DAB2: variants seen among roughly 807,000 people sequenced by gnomAD.
The protein encoded by DAB2 is DAB adaptor protein 2.
A neutral mutation model predicts 71.6 loss-of-function variants in DAB2; 28 were observed. The ratio of observed to expected loss-of-function variants is 0.39; its 90% confidence interval spans 0.29 to 0.54. The LOEUF is 0.54. Among genes scored for constraint, DAB2 ranks in the 20% least tolerant of loss-of-function variants. The probability of loss-of-function intolerance (pLI) is 0.68; values close to 1 mark genes in which losing one functional copy is unlikely to be tolerated. For missense variants in DAB2, 867 were observed against 928.8 expected (o/e 0.93, Z 0.86); for synonymous variants, 345 against 339.7 (o/e 1.02, Z -0.17).
intron 1 of DAB2, among the ~76,000 whole-genome samples, chr5:39,407,956 G>C (rs1201394991): frequency 6.6e-6 from 1 of 152,190 alleles, no homozygotes; most frequent in Non-Finnish European, 1.5e-5. Flanking sequence ...CCGAAAACCA[G>C]TGCAAGAAAT....
intron 5 of DAB2, 91 bp downstream of exon 5, chr5:39,390,353 T>C: frequency 6.9e-7 from 1 of 1,445,102 alleles, no homozygotes; most frequent in Non-Finnish European, 9.4e-7. Context: ...TTACATCCAA[T>C]TATTTCCAGT....
At chr5:39,405,900 C>T (rs572135015) in intron 1 of DAB2, among the ~76,000 whole-genome samples, 14 of 152,232 alleles carry the variant, frequency 9.2e-5, no homozygotes, top group African/African-American at 2.9e-4. Flanking sequence ...TATCAAGTCA[C>T]CTATGGAAGA....
chr5:39,416,756 T>C (rs1021322741), intron 1 of DAB2, among the ~76,000 whole-genome samples: 4 of 152,138 alleles, frequency 2.6e-5, no homozygotes, highest in Admixed American at 6.5e-5. Flanking sequence ...CTCTGATTCA[T>C]GTAGAGCTCT....
intron 1 of DAB2, among the ~76,000 whole-genome samples, chr5:39,395,492 T>C (rs1430124240): frequency 1.3e-5 from 2 of 152,204 alleles, no homozygotes; most frequent in Non-Finnish European, 2.9e-5. Context: ...ACTTAAAGAA[T>C]ATCTAAATAA....
At chr5:39,402,151 G>A (rs1237661822) in intron 1 of DAB2, among the ~76,000 whole-genome samples, 1 of 152,080 alleles carries the variant, frequency 6.6e-6, no homozygotes, top group Non-Finnish European at 1.5e-5. Flanking sequence ...CTGCCCCCAT[G>A]ATTCAATTAC....
Position 39,388,589 on chromosome 5 carries a change from G to A in DAB2, c.624+210C>T, listed in dbSNP as rs1755151449. ...CTTAAAAAGTATTAGATTAGATTCA[G>A]GTGTGGCTACTAAAAAGATTACTTT... On this transcript the variant is annotated intron_variant, in intron 8 of 14. Coordinates refer to ENST00000320816, the MANE Select transcript of DAB2 (RefSeq NM_001343.4). Among the ~76,000 whole-genome samples, 3 of 152,258 alleles carry A rather than the reference G, an allele frequency of 2.0e-5. No homozygotes were observed. In the East Asian group the frequency reaches 5.8e-4, roughly 29 times the overall value.
intron 7 of DAB2, 70 bp downstream of exon 7, chr5:39,389,027 G>C: frequency 6.8e-7 from 1 of 1,461,492 alleles, no homozygotes. Context: ...GAGAGTGGTT[G>C]GGCAGGTAGA....
intron 2 of DAB2, 127 bp from the exon 3 acceptor site, chr5:39,393,520 T>G (rs1254424976): frequency 9.9e-7 from 1 of 1,006,330 alleles, no homozygotes; most frequent in African/African-American, 1.6e-5. Flanking sequence ...TATGTAATAT[T>G]CTGTCCTGTC....
chr5:39,423,685 T>A (rs1331672341), intron 1 of DAB2: 1 of 152,256 alleles, frequency 6.6e-6, no homozygotes. Context: ...TACTTCTGTT[T>A]GCATTAGTTA....
At chr5:39,392,333 T>C (rs1365650885) in intron 4 of DAB2, 32 bp downstream of exon 4, 2 of 1,534,492 alleles carry the variant, frequency 1.3e-6, no homozygotes, top group Non-Finnish European at 1.8e-6. Context: ...ACTCAGGTGG[T>C]CAGAGAGGTA....
chr5:39,398,218 T>TG (rs1212728031), intron 1 of DAB2, among the ~76,000 whole-genome samples: 1 of 152,164 alleles, frequency 6.6e-6, no homozygotes, highest in African/African-American at 2.4e-5. Flanking sequence ...TGAGGGGTTT[T>TG]GGGGGAGGGA....
intron 9 of DAB2, among the ~76,000 whole-genome samples, chr5:39,383,979 C>T (rs550864608): frequency 6.6e-6 from 1 of 152,312 alleles, no homozygotes; most frequent in East Asian, 1.9e-4. Context: ...TCATCCTCAT[C>T]ATCCCAGTCT....
At chr5:39,385,254 A>C (rs1365866553) in intron 9 of DAB2, 3 of 152,188 alleles carry the variant, frequency 2.0e-5, no homozygotes, top group African/African-American at 7.2e-5. Context: ...AAAAGGTAGG[A>C]TAAAATGTAT....
intron 13 of DAB2, 121 bp downstream of exon 13, chr5:39,375,876 A>T (rs956843651): frequency 1.3e-6 from 1 of 769,038 alleles, no homozygotes; most frequent in South Asian, 1.7e-5. Context: ...ACAGAGCAAG[A>T]CTCTGTCTTA....
At chr5:39,420,454 GA>G (rs1294132312) in intron 1 of DAB2, among the ~76,000 whole-genome samples, 1 of 152,106 alleles carries the variant, frequency 6.6e-6, no homozygotes, top group Non-Finnish European at 1.5e-5. Context: ...ATGGTTACCT[GA>G]AAATCTAAGT....
chr5:39,381,711 G>A, intron 10 of DAB2, 95 bp from the exon 11 acceptor site: 1 of 1,383,456 alleles, frequency 7.2e-7, no homozygotes, highest in South Asian at 1.4e-5. Flanking sequence ...CAATTTGAGA[G>A]CCACAAAAAG....
At chr5:39,374,871 A>C in intron 14 of DAB2, 143 bp downstream of exon 14, 4 of 654,196 alleles carry the variant, frequency 6.1e-6, no homozygotes. Flanking sequence ...GAATGATCTC[A>C]GTAGAGATTT....
chr5:39,389,208 C>T, intron 6 of DAB2, 85 bp from the exon 7 acceptor site: 7 of 1,016,374 alleles, frequency 6.9e-6, no homozygotes, highest in African/African-American at 1.6e-5. Flanking sequence ...CTATGGTTCA[C>T]AGGCATAAGG....
Position 39,376,808 on chromosome 5 carries a change from A to G in DAB2, c.1979T>C (p.Leu660Pro). The change falls in exon 12 of 15, where the codon CTG (leucine) becomes CCG (proline). Residue 660 changes from leucine (L) to proline (P), a missense_variant. Leu to Pro is a moderately conservative substitution (Grantham distance 98, BLOSUM62 -3). Transcript: ENST00000320816. ...DVKEMFKDFQ[L>P]RQPPAVPARK... ...CGCGGGCACAGCAGGTGGCTGCCGC[A>G]GTTGGAAATCCTTAAACATTTCTTT... is the stretch of plus-strand genomic sequence containing the variant. The G allele has an allele frequency of 6.2e-7, 1 of 1,614,154 alleles. No homozygotes were observed. The highest frequency in any genetic ancestry group is 8.5e-7 in the Non-Finnish European group (1 of 1,180,024).
Sources: gnomAD v4.1 joint callset for allele counts (sites outside exome capture counted in the v4.1 genomes callset) on GRCh38, gnomAD v4.1.1 for gene constraint, MANE v1.5 for transcripts, NCBI Gene and HGNC (gene_info 2026-07-23, HGNC 2026-07-21) for gene names.